Variants in LSAMP observed in about 807,000 individuals in gnomAD.
LSAMP encodes the protein limbic system-associated membrane protein.
A neutral mutation model predicts 38.6 loss-of-function variants in LSAMP; 7 were observed. The observed-to-expected ratio is 0.18, with a 90% CI of 0.10 to 0.34. LSAMP has a LOEUF of 0.34. LSAMP is among the 10% of genes least tolerant of loss of function. LSAMP has a pLI of 1.00. For missense variants in LSAMP, 313 were observed against 420.0 expected, an observed-to-expected ratio of 0.75 and a Z score of 2.23; for synonymous variants, 154 against 166.8, an observed-to-expected ratio of 0.92 and a Z score of 0.59.
Position 115,999,049 on chromosome 3 carries a change from A to G in LSAMP, c.514+20466T>C, listed in dbSNP as rs146314455. ...TTACCAAGCTGTGTTGCTGCTGCTC[A>G]TGGGGCTGTCATCCTTTCCCAGCTC... On this transcript the variant is annotated intron_variant, in intron 3 of 6. Coordinates refer to ENST00000490035, the MANE Select transcript of LSAMP (RefSeq NM_002338.5). Among the ~76,000 whole-genome samples, 664 of 152,246 alleles carry G rather than the reference A, an allele frequency of 4.4e-3. 8 individuals carry two copies. The highest frequency in any genetic ancestry group is 0.016 in the African/African-American group (648 of 41,560).
At chr3:116,054,201 T>C (rs1302643515) in intron 2 of LSAMP, among the ~76,000 whole-genome samples, 1 of 152,184 alleles carries the variant, frequency 6.6e-6, no homozygotes, top group Non-Finnish European at 1.5e-5. Context: ...TAATCTCTTT[T>C]TGATTTTGAC....
chr3:115,965,604 T>C (rs1204164848), intron 3 of LSAMP, among the ~76,000 whole-genome samples: 1 of 140,420 alleles, frequency 7.1e-6, no homozygotes, highest in African/African-American at 2.9e-5. Context: ...TTTTGTATTT[T>C]AGGTTTTTTT....
intron 1 of LSAMP, among the ~76,000 whole-genome samples, chr3:116,367,608 G>A (rs773887431): frequency 1.1e-4 from 17 of 150,718 alleles, no homozygotes; most frequent in Non-Finnish European, 2.2e-4. Context: ...AGGTTCAAGC[G>A]ATTCTCCTGC....
At chr3:115,857,131 G>A (rs975366626) in intron 3 of LSAMP, among the ~76,000 whole-genome samples, 3 of 152,182 alleles carry the variant, frequency 2.0e-5, no homozygotes, top group African/African-American at 2.4e-5. Flanking sequence ...TGGAGTTATC[G>A]TTTTGGAAAC....
At chr3:116,010,128 C>T (rs893310920) in intron 3 of LSAMP, among the ~76,000 whole-genome samples, 2 of 152,000 alleles carry the variant, frequency 1.3e-5, no homozygotes, top group Non-Finnish European at 2.9e-5. Context: ...TGTTGGCCAG[C>T]CTGGTCTCGA....
At chr3:115,901,418 T>A (rs1936870656) in intron 3 of LSAMP, among the ~76,000 whole-genome samples, 2 of 152,148 alleles carry the variant, frequency 1.3e-5, no homozygotes, top group South Asian at 4.1e-4. Context: ...GAAATAGTGT[T>A]CAAGTCCAGA....
chr3:116,212,486 A>C lies in LSAMP; in HGVS notation c.156-125930T>G, dbSNP rs1242974780. 2.0e-5 allele frequency among the ~76,000 whole-genome samples: 3 copies of C among 152,276 alleles called. 1 individual carries two copies. The East Asian group carries it at 5.8e-4, about 29-fold the overall frequency. ...CTGAGGATATTCACTTTGCAATTTC[A>C]CTTTTACCATTTACCCTGTTAAGGC... On this transcript the variant is annotated intron_variant, in intron 1 of 6. Coordinates refer to ENST00000490035, the MANE Select transcript of LSAMP (RefSeq NM_002338.5).
intron 1 of LSAMP, among the ~76,000 whole-genome samples, chr3:116,408,772 A>T (rs2048932569): frequency 6.6e-6 from 1 of 152,096 alleles, no homozygotes; most frequent in South Asian, 2.1e-4. Context: ...ACTACATAAA[A>T]ACATAAGAAC....
chr3:115,948,555 T>C (rs1440213357), intron 3 of LSAMP, among the ~76,000 whole-genome samples: 5 of 152,268 alleles, frequency 3.3e-5, no homozygotes, highest in Middle Eastern at 3.4e-3. Flanking sequence ...GAAATCAAGA[T>C]GGAAATTTAA....
rs10212352 is a variant in LSAMP, at chr3:116,147,062, A to T, written c.156-60506T>A. 9.4e-3 allele frequency among the ~76,000 whole-genome samples: 1,423 copies of T among 151,948 alleles called. 19 individuals are homozygous for T. The highest frequency in any genetic ancestry group is 0.031 in the African/African-American group (1,288 of 41,498). ...CTTCCTTAATTCTACTACAACTTAA[A>T]GTTCTCTTTATTGTTGACATAACTA... On this transcript the variant is annotated intron_variant, in intron 1 of 6. Coordinates refer to ENST00000490035, the MANE Select transcript of LSAMP (RefSeq NM_002338.5).
chr3:115,886,210 C>A (rs1936449635), intron 3 of LSAMP, among the ~76,000 whole-genome samples: 1 of 151,878 alleles, frequency 6.6e-6, no homozygotes, highest in Non-Finnish European at 1.5e-5. Flanking sequence ...CTAGAAATAC[C>A]CTTACAGACA....
intron 4 of LSAMP, among the ~76,000 whole-genome samples, chr3:115,850,099 C>T (rs185153250): frequency 2.4e-4 from 36 of 152,224 alleles, no homozygotes; most frequent in African/African-American, 8.2e-4. Context: ...AATTTCTGTC[C>T]ATATTCTGTG....
intron 2 of LSAMP, among the ~76,000 whole-genome samples, chr3:116,053,686 A>T (rs1175228196): frequency 6.6e-6 from 1 of 152,176 alleles, no homozygotes; most frequent in East Asian, 1.9e-4. Flanking sequence ...TAAGTAAATG[A>T]GAGACAGAAT....
rs543153161 is a variant in LSAMP at position 116,002,898 on chromosome 3, A to C, written c.514+16617T>G. ...TCTATTATGAGCAATGTTTGAAGGAACAAAATCCATCATTTCAAGACTGGT... is the reference window on the plus strand; with the variant it reads ...TCTATTATGAGCAATGTTTGAAGGACCAAAATCCATCATTTCAAGACTGGT... On this transcript the variant is annotated intron_variant, in intron 3 of 6. Transcript: ENST00000490035. 2.8e-4 allele frequency among the ~76,000 whole-genome samples: 42 copies of C among 152,310 alleles called. 1 individual carries two copies. The South Asian group carries it at 8.5e-3, about 31-fold the overall frequency.
chr3:116,384,720 A>T (rs909187270), intron 1 of LSAMP, among the ~76,000 whole-genome samples: 1 of 152,040 alleles, frequency 6.6e-6, no homozygotes, highest in African/African-American at 2.4e-5. Context: ...GTGTTTCGTG[A>T]TTTTTTTCCT....
At chr3:116,003,590 A>C (rs760974745) in intron 3 of LSAMP, among the ~76,000 whole-genome samples, 7 of 152,296 alleles carry the variant, frequency 4.6e-5, no homozygotes, top group Non-Finnish European at 7.4e-5. Context: ...TATTTGGAAA[A>C]GGGGCTTTTG....
intron 1 of LSAMP, among the ~76,000 whole-genome samples, chr3:116,262,941 C>T (rs926521725): frequency 3.3e-5 from 5 of 152,150 alleles, no homozygotes; most frequent in Non-Finnish European, 7.3e-5. Flanking sequence ...AACTGTTTTC[C>T]TGAGTGCTCA....
chr3:116,231,047 G>T (rs1217177389), intron 1 of LSAMP, among the ~76,000 whole-genome samples: 1 of 152,110 alleles, frequency 6.6e-6, no homozygotes, highest in Non-Finnish European at 1.5e-5. Flanking sequence ...AGAACACAAA[G>T]AAGCTATACT....
chr3:116,233,329 C>T (rs1447955776), intron 1 of LSAMP, among the ~76,000 whole-genome samples: 4 of 137,884 alleles, frequency 2.9e-5, no homozygotes, highest in African/African-American at 1.1e-4. Flanking sequence ...AGGAGAATGG[C>T]GTGAACCCAG....
Sources: gnomAD v4.1 joint callset for allele counts (sites outside exome capture counted in the v4.1 genomes callset) on GRCh38, gnomAD v4.1.1 for gene constraint, MANE v1.5 for transcripts, NCBI Gene and HGNC (gene_info 2026-07-23, HGNC 2026-07-21) for gene names.